GTF3C4: variants seen among roughly 807,000 people sequenced by gnomAD.
GTF3C4 encodes the protein general transcription factor IIIC subunit 4.
In GTF3C4, 28 loss-of-function variants were observed where a neutral mutation model predicts 67.5. The ratio of observed to expected loss-of-function variants is 0.41; its 90% CI spans 0.31 to 0.57. GTF3C4 has a LOEUF of 0.57. Among genes scored for constraint, GTF3C4 ranks in the 20% least tolerant of loss-of-function variants. The probability of loss-of-function intolerance (pLI) is 0.21; values close to 1 mark genes in which losing one functional copy is unlikely to be tolerated. For synonymous variants in GTF3C4, 409 were observed against 393.0 expected (o/e 1.04, Z -0.48); for missense variants, 831 against 1,033.2 (o/e 0.80, Z 2.68).
chr9:132,681,890 G>C (rs183357031), intron 2 of GTF3C4, among the ~76,000 whole-genome samples: 3 of 151,464 alleles, frequency 2.0e-5, no homozygotes, highest in Admixed American at 6.6e-5. Context: ...TGGGAGGCCA[G>C]GGTGTGAGGA....
rs756908231 is a variant in GTF3C4, at chr9:132,670,756, G to C, written c.158G>C (p.Arg53Pro). 2.6e-6 allele frequency: 4 copies of C among 1,559,382 alleles called. No homozygotes were observed. Residue 53 changes from arginine (R) to proline (P), a missense_variant, in exon 1 of 5, where the codon CGG becomes CCG. Arg to Pro is a moderately radical substitution (Grantham distance 103, BLOSUM62 -2). This residue lies in a region of GTF3C4 where 237 missense variants were observed against 212.7 expected (regional missense o/e 1.11). Coordinates refer to ENST00000372146, the MANE Select transcript of GTF3C4 (RefSeq NM_012204.4). ...PSAAFRLMVT[R>P]REPAVKLQYA... ...GCTGCATTCCGCCTCATGGTGACTC[G>C]GCGGGAGCCGGCCGTGAAGCTGCAG...
chr9:132,689,276 G>C lies in GTF3C4; in HGVS notation c.*331G>C, dbSNP rs1209660270. Reference sequence around the variant, plus strand: ...TGAACACAGTGTCCCGTCATTTCTAGAAACAGAATGGTCTCTTCTAGAGAG... The same window carrying C: ...TGAACACAGTGTCCCGTCATTTCTACAAACAGAATGGTCTCTTCTAGAGAG... On this transcript the variant is annotated 3_prime_UTR_variant, in exon 5 of 5. Transcript: ENST00000372146. The C allele has an allele frequency of 3.4e-6, 1 of 290,306 alleles. No homozygotes were observed. The highest frequency in any genetic ancestry group is 4.1e-5 in the Admixed American group (1 of 24,534). The allele number at this position is 290,306 out of a possible 1,614,324, so 18.0% of individuals were successfully genotyped here.
In GTF3C4 at chr9:132,693,312, C is replaced by T. The variant is rs190526513; in HGVS notation, c.*4367C>T. ...TTTTGGTATATGAATATTTCTCCTC[C>T]AATCCTTTTAATTAGGTGGTTCAGC... On this transcript the variant is annotated 3_prime_UTR_variant, in exon 5 of 5. Coordinates refer to ENST00000372146, the MANE Select transcript of GTF3C4 (RefSeq NM_012204.4). 6.6e-6 allele frequency: 1 copy of T among 152,300 alleles called. No individual in the cohort carries two copies. Among genetic ancestry groups the T allele is most frequent in the Admixed American group, 6.5e-5 (1 of 15,302 alleles). The allele number at this position is 152,300 out of a possible 1,614,324, so 9.4% of individuals were successfully genotyped here. A position where few individuals can be genotyped will look rare whatever the true frequency, so the allele number is the denominator to read the frequency against.
In GTF3C4 at chr9:132,693,684, A is replaced by G. The variant is rs1381804288; in HGVS notation, c.*4739A>G. On this transcript the variant is annotated 3_prime_UTR_variant, in exon 5 of 5. Coordinates refer to ENST00000372146, the MANE Select transcript of GTF3C4 (RefSeq NM_012204.4). ...AAATCCTGTAAAATGGTCAAATTGGATAATGTAAGAGATAATGATGGCTTT... is the reference window on the plus strand; with the variant it reads ...AAATCCTGTAAAATGGTCAAATTGGGTAATGTAAGAGATAATGATGGCTTT... 3 of 152,108 alleles carry G rather than the reference A, an allele frequency of 2.0e-5. No individual in the cohort carries two copies. Among genetic ancestry groups the G allele is most frequent in the East Asian group, 3.8e-4 (2 of 5,196 alleles). 9.4% of individuals were successfully genotyped at this position (152,108 alleles called of 1,614,324 possible).
At position 132,688,802 on chromosome 9, in the gene GTF3C4, A is replaced by G. The variant is rs141142884; in HGVS notation, c.2405-79A>G. 181 of 1,043,104 alleles carry G rather than the reference A, an allele frequency of 1.7e-4. 1 individual carries two copies. In the African/African-American group the frequency reaches 2.3e-3, roughly 13 times the overall value. 64.6% of individuals were successfully genotyped at this position (1,043,104 alleles called of 1,614,324 possible). A position where few individuals can be genotyped will look rare whatever the true frequency, so the allele number is the denominator to read the frequency against. ...GTGGGACCAGAATGCCCGTCTCTCAACGCTACAGTCCGGTATTCATCCCTT... is the reference window on the plus strand; with the variant it reads ...GTGGGACCAGAATGCCCGTCTCTCAGCGCTACAGTCCGGTATTCATCCCTT... On this transcript the variant is annotated intron_variant, in intron 4 of 4. Coordinates refer to ENST00000372146, the MANE Select transcript of GTF3C4 (RefSeq NM_012204.4).
At chr9:132,670,058 G>A (rs1851623228), upstream of GTF3C4, 2 of 1,565,654 alleles carry the variant, frequency 1.3e-6, no homozygotes, top group African/African-American at 1.4e-5. Flanking sequence ...AACGGCTCCA[G>A]CTGTACGGAC....
Position 132,678,181 on chromosome 9 carries a change from G to C in GTF3C4, c.562G>C (p.Asp188His), listed in dbSNP as rs1835890164. 6.2e-7 allele frequency: 1 copy of C among 1,614,140 alleles called. No individual in the cohort carries two copies. The highest frequency in any genetic ancestry group is 8.5e-7 in the Non-Finnish European group (1 of 1,180,056). ...GRCLLAALTM[D>H]NRLTIQANLN... is the part of the protein sequence containing the mutation. ...GTGCCTCTTGGCAGCACTGACCATG[G>C]ACAATCGCCTGACCATCCAGGCAAA... The change falls in exon 2 of 5, where the codon GAC becomes CAC. Residue 188 changes from aspartate (D) to histidine (H), a missense_variant. Around this residue, in one of 4 missense-constraint regions of GTF3C4, gnomAD observed 390 missense variants for 540.3 expected, o/e 0.72. Coordinates refer to ENST00000372146, the MANE Select transcript of GTF3C4 (RefSeq NM_012204.4). The surrounding 1 kb of genome is among the most constrained non-coding windows in gnomAD (Gnocchi z 6.5).
intron 2 of GTF3C4, among the ~76,000 whole-genome samples, chr9:132,680,962 G>C (rs1835933276): frequency 6.6e-6 from 1 of 152,210 alleles, no homozygotes. Context: ...ATAAAAATTA[G>C]CCGGGTGTGG....
At chr9:132,675,311 A>G (rs1473136026) in intron 1 of GTF3C4, among the ~76,000 whole-genome samples, 2 of 152,152 alleles carry the variant, frequency 1.3e-5, no homozygotes, top group Non-Finnish European at 1.5e-5. Context: ...GTCATCTCAC[A>G]AATTTCATCT....
At position 132,689,161 on chromosome 9, in the gene GTF3C4, G is replaced by T. The variant is rs557935355; in HGVS notation, c.*216G>T. On this transcript the variant is annotated 3_prime_UTR_variant, in exon 5 of 5. Transcript: ENST00000372146. ...CCTTTGAAATGGCTGGACTCAGAGAGTTGGAGTCGTTTTGAGATGAGCATT... is the reference window on the plus strand; with the variant it reads ...CCTTTGAAATGGCTGGACTCAGAGATTTGGAGTCGTTTTGAGATGAGCATT... The T allele has an allele frequency of 7.3e-6, 4 of 548,076 alleles. No homozygotes were observed. The South Asian group carries it at 8.8e-5, about 12-fold the overall frequency. The allele number at this position is 548,076 out of a possible 1,614,324, so 34.0% of individuals were successfully genotyped here.
intron 1 of GTF3C4, among the ~76,000 whole-genome samples, chr9:132,675,604 G>T (rs1334503110): frequency 3.3e-5 from 5 of 152,124 alleles, no homozygotes; most frequent in African/African-American, 1.2e-4. Flanking sequence ...GGCTTCCTGT[G>T]GCTCAGTAGG....
chr9:132,681,966 T>TAAAAAAAA (rs56402111), intron 2 of GTF3C4, among the ~76,000 whole-genome samples: 1 of 114,748 alleles, frequency 8.7e-6, no homozygotes, highest in Non-Finnish European at 1.7e-5. Context: ...CTACATAAAG[T>TAAAAAAAA]AAAAAAAAAA....
At chr9:132,683,192 T>C (rs1477914124) in intron 2 of GTF3C4, among the ~76,000 whole-genome samples, 1 of 152,248 alleles carries the variant, frequency 6.6e-6, no homozygotes, top group African/African-American at 2.4e-5. Context: ...ACATTATAAA[T>C]AATAGCTAAA....
At chr9:132,681,902 C>T (rs1266941258) in intron 2 of GTF3C4, among the ~76,000 whole-genome samples, 3 of 148,892 alleles carry the variant, frequency 2.0e-5, no homozygotes, top group Non-Finnish European at 4.4e-5. Flanking sequence ...GTGTGAGGAT[C>T]GCTTGAGCCC....
At chr9:132,681,734 T>G (rs1213829478) in intron 2 of GTF3C4, among the ~76,000 whole-genome samples, 1 of 152,094 alleles carries the variant, frequency 6.6e-6, no homozygotes, top group Admixed American at 6.5e-5. Flanking sequence ...ATCACTCCCA[T>G]TGAGAATGTG....
chr9:132,673,527 C>T (rs1004997742), intron 1 of GTF3C4, among the ~76,000 whole-genome samples: 2 of 152,124 alleles, frequency 1.3e-5, no homozygotes, highest in African/African-American at 4.8e-5. Flanking sequence ...CAAGAGCCCT[C>T]TGTGGGTTAA....
chr9:132,675,895 C>CCTT (rs1835856528), intron 1 of GTF3C4, among the ~76,000 whole-genome samples: 2 of 89,034 alleles, frequency 2.2e-5, no homozygotes, highest in East Asian at 3.7e-4. Flanking sequence ...TCCAGTTACC[C>CCTT]TTTTTTTTTT....
At position 132,693,847 on chromosome 9, in the gene GTF3C4, T is replaced by C. The variant is rs1836156101; in HGVS notation, c.*4902T>C. On this transcript the variant is annotated 3_prime_UTR_variant, in exon 5 of 5. Coordinates refer to ENST00000372146, the MANE Select transcript of GTF3C4 (RefSeq NM_012204.4). Reference sequence around the variant, plus strand: ...CAAGGCTTTGACTCAGATTTGTACTTTGATGTATGAAAGTGAATATCAAAC... The same window carrying C: ...CAAGGCTTTGACTCAGATTTGTACTCTGATGTATGAAAGTGAATATCAAAC... The C allele has an allele frequency of 6.6e-6, 1 of 152,226 alleles. No homozygotes were observed. Among genetic ancestry groups the C allele is most frequent in the Non-Finnish European group, 1.5e-5 (1 of 68,040 alleles). 9.4% of individuals were successfully genotyped at this position (152,226 alleles called of 1,614,324 possible). A position where few individuals can be genotyped will look rare whatever the true frequency, so the allele number is the denominator to read the frequency against.
In GTF3C4 at chr9:132,694,908, A is replaced by G. The variant is rs1298659254; in HGVS notation, c.*5963A>G. The G allele has an allele frequency of 2.6e-5, 4 of 152,200 alleles. No homozygotes were observed. The highest frequency in any genetic ancestry group is 1.5e-5 in the Non-Finnish European group (1 of 68,028). 9.4% of individuals were successfully genotyped at this position (152,200 alleles called of 1,614,324 possible). On this transcript the variant is annotated 3_prime_UTR_variant, in exon 5 of 5. Transcript: ENST00000372146. ...TGTATACAGAGCCATTAGTATTGTT[A>G]TTTTGGCCACTTTTTTATTCAAAAT...
Sources: allele counts gnomAD v4.1 joint callset (sites outside exome capture counted in the v4.1 genomes callset), GRCh38; gene constraint gnomAD v4.1.1; regional missense constraint gnomAD v4.1.1; non-coding constraint Gnocchi (gnomAD v3.1); transcripts MANE v1.5; gene names NCBI Gene and HGNC (gene_info 2026-07-23, HGNC 2026-07-21).